The following TUSC3 variants were observed in gnomAD, a reference collection of about 807,000 sequenced individuals.
TUSC3 encodes the protein tumor suppressor candidate 3.
Under a neutral mutation model 44.8 loss-of-function variants are expected in TUSC3, and 45 were observed. The ratio of observed to expected loss-of-function variants is 1.00; its 90% CI spans 0.79 to 1.29. The LOEUF (loss-of-function observed/expected upper bound fraction) is 1.29, where lower values mean the gene tolerates loss of function less well. Ranked by LOEUF, TUSC3 falls within the 50% of genes most tolerant of loss-of-function variation. TUSC3 has a pLI of 0.00. For synonymous variants in TUSC3, 212 were observed against 152.9 expected (o/e 1.39, Z -2.85); for missense variants, 519 against 437.9 (o/e 1.19, Z -1.65).
intron 1 of TUSC3, among the ~76,000 whole-genome samples, chr8:15,578,648 T>C (rs145371088): frequency 0.43 from 64,523 of 148,632 alleles, 15,211 homozygotes; most frequent in East Asian, 0.62. Context: ...ACCAGCCTTG[T>C]GTCCCAGGGA....
At chr8:15,597,291 A>G (rs943513485) in intron 1 of TUSC3, among the ~76,000 whole-genome samples, 3 of 152,108 alleles carry the variant, frequency 2.0e-5, no homozygotes, top group African/African-American at 7.2e-5. Context: ...AGATCTTAAG[A>G]GATCTAAACC....
At chr8:15,617,130 G>GTGTGTGTGTGTGTGTGTGTGTGTT (rs1398545858) in intron 1 of TUSC3, among the ~76,000 whole-genome samples, 1 of 75,110 alleles carries the variant, frequency 1.3e-5, no homozygotes, top group African/African-American at 4.2e-5. Flanking sequence ...ATGTGTGTGT[G>GTGTGTGTGTGTGTGTGTGTGTGTT]TGTATATATT....
chr8:15,486,477 C>T (rs1800734428), intron 2 of TUSC3, among the ~76,000 whole-genome samples: 1 of 152,084 alleles, frequency 6.6e-6, no homozygotes, highest in Non-Finnish European at 1.5e-5. Context: ...TGGAGTCTTG[C>T]CCTTTTGCCC....
At chr8:15,526,075 C>T (rs1352778385) in intron 2 of TUSC3, among the ~76,000 whole-genome samples, 2 of 151,924 alleles carry the variant, frequency 1.3e-5, no homozygotes, top group Admixed American at 6.6e-5. Context: ...CTTTGTCGTC[C>T]AGGCTGGAGT....
At chr8:15,612,604 G>A (rs9657257) in intron 1 of TUSC3, among the ~76,000 whole-genome samples, 48,091 of 151,800 alleles carry the variant, frequency 0.32, 7,776 homozygotes, top group African/African-American at 0.38. Context: ...TTCATAAAAT[G>A]TTAAGATAAA....
intron 2 of TUSC3, among the ~76,000 whole-genome samples, chr8:15,648,675 G>A (rs1383124057): frequency 7.6e-6 from 1 of 131,204 alleles, no homozygotes; most frequent in East Asian, 2.4e-4. Flanking sequence ...GCAGTGAGCC[G>A]AGATCGCGCC....
chr8:15,819,583 T>C, the TUSC3 span, among the ~76,000 whole-genome samples: 1 of 152,234 alleles, frequency 6.6e-6, no homozygotes, highest in Non-Finnish European at 1.5e-5. Flanking sequence ...TTTGTTTTCA[T>C]ACTAGCAAAT....
intron 2 of TUSC3, among the ~76,000 whole-genome samples, chr8:15,496,613 C>G (rs1455188871): frequency 2.0e-5 from 3 of 152,082 alleles, no homozygotes; most frequent in African/African-American, 7.2e-5. Context: ...CTATTCTGTG[C>G]CTTGACCCTA....
In TUSC3 at chr8:15,650,720, T is replaced by C. The variant is rs1265297607; in HGVS notation, c.332T>C (p.Ile111Thr). The change falls in exon 3 of 11, where the codon ATA (isoleucine) becomes ACA (threonine). Residue 111 changes from isoleucine (I) to threonine (T), a missense_variant. By Grantham distance (89) the Ile-to-Thr change is moderately conservative. Coordinates refer to ENST00000503731, the MANE Select transcript of TUSC3 (RefSeq NM_006765.4). ...AGGCAAGCTAATGAAGAATATCAAA[T>C]ACTGGCGAACTCCTGGCGCTATTCA... ...VCRQANEEYQ[I>T]LANSWRYSSA... 6.2e-7 allele frequency: 1 copy of C among 1,614,002 alleles called. No homozygotes were observed. Among genetic ancestry groups the C allele is most frequent in the Non-Finnish European group, 8.5e-7 (1 of 1,180,008 alleles).
At chr8:15,489,973 T>A (rs1800786109) in intron 2 of TUSC3, among the ~76,000 whole-genome samples, 1 of 152,222 alleles carries the variant, frequency 6.6e-6, no homozygotes, top group Admixed American at 6.5e-5. Context: ...CTGTTGGTGC[T>A]GAAATAGTCA....
intron 2 of TUSC3, among the ~76,000 whole-genome samples, chr8:15,509,748 G>T (rs963387933): frequency 2.6e-5 from 4 of 152,184 alleles, no homozygotes; most frequent in African/African-American, 9.7e-5. Flanking sequence ...TGATTTTGAA[G>T]CTCATATTAC....
upstream of TUSC3, among the ~76,000 whole-genome samples, chr8:15,538,686 C>T (rs956468344): frequency 6.6e-6 from 1 of 152,018 alleles, no homozygotes; most frequent in African/African-American, 2.4e-5. Flanking sequence ...ACAACAGTTT[C>T]GTTTCTTTGA....
intron 2 of TUSC3, among the ~76,000 whole-genome samples, chr8:15,519,878 A>C (rs977216760): frequency 6.6e-6 from 1 of 152,240 alleles, no homozygotes; most frequent in East Asian, 1.9e-4. Flanking sequence ...ATGTGTTCAT[A>C]TGGAATAATA....
intron 7 of TUSC3, among the ~76,000 whole-genome samples, chr8:15,734,202 G>T (rs531616394): frequency 1.3e-5 from 2 of 152,108 alleles, no homozygotes; most frequent in Non-Finnish European, 2.9e-5. Context: ...TTTATCTGTA[G>T]AGAGAACATT....
At chr8:15,518,081 A>G (rs542553184) in intron 2 of TUSC3, among the ~76,000 whole-genome samples, 79 of 152,026 alleles carry the variant, frequency 5.2e-4, no homozygotes, top group African/African-American at 1.8e-3. Context: ...CAGTCTCTGT[A>G]TATTTACTTA....
chr8:15,715,070 A>G (rs564058225), intron 6 of TUSC3, among the ~76,000 whole-genome samples: 1 of 152,262 alleles, frequency 6.6e-6, no homozygotes, highest in Non-Finnish European at 1.5e-5. Context: ...AAAATGGAAG[A>G]ATCTGTACAC....
At chr8:15,843,681 A>G in the TUSC3 span, among the ~76,000 whole-genome samples, 3 of 151,268 alleles carry the variant, frequency 2.0e-5, no homozygotes, top group East Asian at 3.9e-4. Flanking sequence ...ATCTATATCT[A>G]TATGGTGTAT....
intron 1 of TUSC3, among the ~76,000 whole-genome samples, chr8:15,607,979 C>T (rs919255287): frequency 7.2e-5 from 11 of 152,062 alleles, no homozygotes; most frequent in Non-Finnish European, 7.4e-5. Flanking sequence ...TTTTGATAAG[C>T]ATGCAGTGAT....
intron 1 of TUSC3, among the ~76,000 whole-genome samples, chr8:15,622,187 G>T (rs918954210): frequency 3.4e-4 from 51 of 152,058 alleles, no homozygotes; most frequent in African/African-American, 1.2e-3. Flanking sequence ...TTTTAAAATG[G>T]CAGGCAGTTT....
Sources: gnomAD v4.1 joint callset for allele counts (sites outside exome capture counted in the v4.1 genomes callset) on GRCh38, gnomAD v4.1.1 for gene constraint, MANE v1.5 for transcripts, NCBI Gene and HGNC (gene_info 2026-07-23, HGNC 2026-07-21) for gene names.